ANXA4: variants seen among roughly 807,000 people sequenced by gnomAD.
The protein encoded by ANXA4 is annexin A4, also known as 35-beta calcimedin.
A neutral mutation model predicts 49.8 loss-of-function variants in ANXA4; 39 were observed. That is an observed-to-expected ratio of 0.78 (90% CI 0.61 to 1.02). ANXA4 has a LOEUF of 1.02. Among genes scored for constraint, ANXA4 ranks in the 50% least tolerant of loss-of-function variants. The pLI is 0.00. For synonymous variants in ANXA4, 134 were observed against 152.5 expected (o/e 0.88, Z 0.89); for missense variants, 360 against 410.1 (o/e 0.88, Z 1.05).
rs148303219 is a variant in ANXA4, at chr2:69,769,015, C to T, written c.-46-12505C>T. Among the ~76,000 whole-genome samples the T allele has an allele frequency of 1.8e-3, 280 of 152,210 alleles. 1 individual carries two copies. Among genetic ancestry groups the T allele is most frequent in the African/African-American group, 6.4e-3 (267 of 41,546 alleles). On this transcript the variant is annotated intron_variant, in intron 1 of 12. Coordinates refer to ENST00000394295, the MANE Select transcript of ANXA4 (RefSeq NM_001153.5). ...AGTCCACAGGTGGCACTAGGGGTCA[C>T]TCAGAAAATAAAAATTAAAAAGAAA...
intron 1 of ANXA4, among the ~76,000 whole-genome samples, chr2:69,779,742 TG>T: frequency 6.6e-6 from 1 of 152,350 alleles, no homozygotes; most frequent in African/African-American, 2.4e-5. Flanking sequence ...CAGCCGGCCG[TG>T]CAAGGCCCAT....
At chr2:69,729,710 T>C (rs1331956323) in intron 3 of ANXA4, among the ~76,000 whole-genome samples, 1 of 152,242 alleles carries the variant, frequency 6.6e-6, no homozygotes, top group Admixed American at 6.5e-5. Flanking sequence ...TTATACACTG[T>C]TCATGGATTT....
intron 3 of ANXA4, among the ~76,000 whole-genome samples, chr2:69,804,252 C>T (rs1470594700): frequency 6.6e-6 from 1 of 151,966 alleles, no homozygotes; most frequent in African/African-American, 2.4e-5. Flanking sequence ...TTGCAGCAGC[C>T]TATCGAGGGA....
chr2:69,738,126 C>T (rs902797042), upstream of ANXA4, among the ~76,000 whole-genome samples: 1 of 151,962 alleles, frequency 6.6e-6, no homozygotes, highest in Admixed American at 6.6e-5. Context: ...AACTGAAAAT[C>T]AAATCTAACT....
At chr2:69,658,013 G>A (rs144804657) in intron 2 of ANXA4, among the ~76,000 whole-genome samples, 3 of 151,946 alleles carry the variant, frequency 2.0e-5, no homozygotes, top group East Asian at 1.9e-4. Flanking sequence ...TGAAATATAC[G>A]CAAAAATACT....
At chr2:69,650,098 G>A (rs1676175610) in intron 1 of ANXA4, among the ~76,000 whole-genome samples, 1 of 149,444 alleles carries the variant, frequency 6.7e-6, no homozygotes, top group Non-Finnish European at 1.5e-5. Context: ...ATCATGCCCG[G>A]CTAATTTTTG....
At chr2:69,716,470 G>C (rs1382631125) in intron 2 of ANXA4, among the ~76,000 whole-genome samples, 1 of 152,152 alleles carries the variant, frequency 6.6e-6, no homozygotes, top group African/African-American at 2.4e-5. Flanking sequence ...GATGACTTGA[G>C]CTGAGATGTG....
chr2:69,714,146 G>A (rs1364928427), intron 2 of ANXA4, among the ~76,000 whole-genome samples: 1 of 152,158 alleles, frequency 6.6e-6, no homozygotes, highest in Non-Finnish European at 1.5e-5. Context: ...TCCCTACTGG[G>A]AGGCTCTTCT....
At chr2:69,809,372 G>A (rs1258483190) in intron 6 of ANXA4, 2 of 152,286 alleles carry the variant, frequency 1.3e-5, no homozygotes, top group African/African-American at 4.8e-5. Flanking sequence ...TGCCCAATGA[G>A]GGTTTTCTTC....
At chr2:69,678,565 T>TTG (rs1677489628) in intron 2 of ANXA4, among the ~76,000 whole-genome samples, 1 of 151,822 alleles carries the variant, frequency 6.6e-6, no homozygotes, top group African/African-American at 2.4e-5. Context: ...GGCTAATTTT[T>TTG]TGTGTGTTTT....
chr2:69,797,278 G>T (rs1395939241), intron 3 of ANXA4, among the ~76,000 whole-genome samples: 1 of 152,062 alleles, frequency 6.6e-6, no homozygotes, highest in Non-Finnish European at 1.5e-5. Flanking sequence ...AGTCCTCCTG[G>T]CTGTTCTCCC....
chr2:69,818,504 A>C, intron 9 of ANXA4, 95 bp from the exon 10 acceptor site: 1 of 698,620 alleles, frequency 1.4e-6, no homozygotes, highest in Non-Finnish European at 2.3e-6. Context: ...CAAAGAATAA[A>C]TAGTGTAGGC....
intron 2 of ANXA4, among the ~76,000 whole-genome samples, chr2:69,686,448 G>C (rs1461230691): frequency 6.6e-6 from 1 of 151,454 alleles, no homozygotes; most frequent in Non-Finnish European, 1.5e-5. Flanking sequence ...GGAATTACAG[G>C]CGTGAGCCAC....
chr2:69,659,274 C>G (rs1031247222), intron 2 of ANXA4, among the ~76,000 whole-genome samples: 2 of 152,154 alleles, frequency 1.3e-5, no homozygotes, highest in Non-Finnish European at 1.5e-5. Context: ...TTAGACTGCT[C>G]TAGTGTAATT....
chr2:69,717,126 G>T (rs939770321), intron 2 of ANXA4, among the ~76,000 whole-genome samples: 2 of 152,226 alleles, frequency 1.3e-5, no homozygotes, highest in Non-Finnish European at 2.9e-5. Context: ...GGAAGGAGGA[G>T]CTGACGCCCT....
At chr2:69,804,256 C>T (rs1053348555) in intron 3 of ANXA4, among the ~76,000 whole-genome samples, 8 of 151,774 alleles carry the variant, frequency 5.3e-5, no homozygotes, top group African/African-American at 1.7e-4. Context: ...AGCAGCCTAT[C>T]GAGGGAAATC....
chr2:69,762,041 C>A (rs1471054056), intron 1 of ANXA4, among the ~76,000 whole-genome samples: 1 of 152,086 alleles, frequency 6.6e-6, no homozygotes, highest in African/African-American at 2.4e-5. Flanking sequence ...ACAATGTAGC[C>A]CTACCAGAGC....
chr2:69,757,389 G>T (rs1207747612), intron 1 of ANXA4, among the ~76,000 whole-genome samples: 2 of 141,984 alleles, frequency 1.4e-5, no homozygotes, highest in Non-Finnish European at 3.0e-5. Context: ...TCCTGCCCCA[G>T]CCTCCCTAGT....
intron 2 of ANXA4, 147 bp downstream of exon 2, chr2:69,781,721 C>A: frequency 2.2e-6 from 2 of 913,090 alleles, no homozygotes; most frequent in Non-Finnish European, 3.4e-6. Flanking sequence ...TATTTCTAAA[C>A]ATCATTTAAA....
Sources: allele counts gnomAD v4.1 joint callset (sites outside exome capture counted in the v4.1 genomes callset), GRCh38; gene constraint gnomAD v4.1.1; transcripts MANE v1.5; gene names NCBI Gene and HGNC (gene_info 2026-07-23, HGNC 2026-07-21).